The following DENND2C variants were observed in gnomAD, a reference collection of about 807,000 sequenced individuals.
DENND2C encodes DENN domain containing 2C.
A neutral mutation model predicts 112.4 loss-of-function variants in DENND2C; 72 were observed. That is an observed-to-expected ratio of 0.64 (90% CI 0.53 to 0.78). The LOEUF is 0.78. Among genes scored for constraint, DENND2C ranks in the 30% least tolerant of loss-of-function variants. DENND2C has a pLI of 0.00. For missense variants in DENND2C, 992 were observed against 1,113.8 expected (o/e 0.89, Z 1.56); for synonymous variants, 329 against 381.6 (o/e 0.86, Z 1.61).
At chr1:114,657,491 G>C (rs1214947177) in intron 1 of DENND2C, among the ~76,000 whole-genome samples, 1 of 152,148 alleles carries the variant, frequency 6.6e-6, no homozygotes, top group Non-Finnish European at 1.5e-5. Context: ...GATGGTAGAA[G>C]TACTATCAAT....
At position 114,588,365 on chromosome 1, in the gene DENND2C, C is replaced by A. The variant is rs1257537997; in HGVS notation, c.2432-413G>T. 3.3e-5 allele frequency among the ~76,000 whole-genome samples: 5 copies of A among 152,298 alleles called. No homozygotes were observed. The East Asian group carries it at 9.6e-4, about 29-fold the overall frequency. On this transcript the variant is annotated intron_variant, in intron 18 of 20. Transcript: ENST00000393274. ...CTATGCTCTTCTGATTTCCTGATTC[C>A]TTTCCTGACTTGATGACAAAGCAGT... is the stretch of plus-strand genomic sequence containing the variant.
chr1:114,591,860 TTTA>T (rs138511726), intron 18 of DENND2C, among the ~76,000 whole-genome samples: 27,653 of 148,062 alleles, frequency 0.19, 3,469 homozygotes, highest in Non-Finnish European at 0.28. Flanking sequence ...CCTAGTATCA[TTTA>T]TTATTATTAT....
chr1:114,635,520 C>T (rs983659946), intron 3 of DENND2C, among the ~76,000 whole-genome samples: 4 of 151,518 alleles, frequency 2.6e-5, no homozygotes, highest in African/African-American at 9.7e-5. Context: ...CGTCTCTTAA[C>T]AAAAAATAGG....
In DENND2C at chr1:114,605,024, T is replaced by C; in HGVS notation, c.1565A>G (p.His522Arg). 1 of 1,610,474 alleles carries C rather than the reference T, an allele frequency of 6.2e-7. No individual in the cohort carries two copies. The highest frequency in any genetic ancestry group is 8.5e-7 in the Non-Finnish European group (1 of 1,178,120). ...VIQQFPGKDD[H>R]GYKQSKDMEE... ...CATGTCTTTGGACTGCTTATAGCCATGATCATCCTGAAAAAGATAACACCA... is the reference window on the plus strand; with the variant it reads ...CATGTCTTTGGACTGCTTATAGCCACGATCATCCTGAAAAAGATAACACCA... Residue 522 changes from histidine (H) to arginine (R), a missense_variant, in exon 11 of 21, where the codon CAT (histidine) becomes CGT (arginine). His to Arg is a conservative substitution (Grantham distance 29). Transcript: ENST00000393274.
intron 7 of DENND2C, among the ~76,000 whole-genome samples, 169 bp from the exon 8 acceptor site, chr1:114,618,651 T>C (rs1210819988): frequency 6.6e-6 from 1 of 152,244 alleles, no homozygotes; most frequent in Non-Finnish European, 1.5e-5. Context: ...AATTAGATGA[T>C]ATGTTGTTCT....
Position 114,625,258 on chromosome 1 carries a change from A to T in DENND2C, c.727T>A (p.Cys243Ser). 1 of 1,614,162 alleles carries T rather than the reference A, an allele frequency of 6.2e-7. No individual in the cohort carries two copies. Among genetic ancestry groups the T allele is most frequent in the Non-Finnish European group, 8.5e-7 (1 of 1,180,020 alleles). The change falls in exon 4 of 21, where the codon TGT becomes AGT. Residue 243 changes from cysteine (C) to serine (S), a missense_variant. By Grantham distance (112) the Cys-to-Ser change is moderately radical. Coordinates refer to ENST00000393274, the MANE Select transcript of DENND2C (RefSeq NM_001256404.2). ...CDKKYCENNS[C>S]AQSSLASSQE... ...GAAGAGGCCAAAGAAGATTGTGCAC[A>T]AGAGTTATTTTCACAGTATTTTTTG...
rs534973267 is a variant in DENND2C at position 114,602,210 on chromosome 1, A to G, written c.1668-16T>C. On this transcript the variant is annotated splice_polypyrimidine_tract_variant and intron_variant, in intron 11 of 20. Transcript: ENST00000393274. ...GAATGTTTCACTGAAAAAAGAGCCAATAGTTAGTTTAGGATCCAAACAATT... is the reference window on the plus strand; with the variant it reads ...GAATGTTTCACTGAAAAAAGAGCCAGTAGTTAGTTTAGGATCCAAACAATT... The G allele has an allele frequency of 3.1e-6, 5 of 1,612,664 alleles. No individual in the cohort carries two copies. The highest frequency in any genetic ancestry group is 1.3e-5 in the African/African-American group (1 of 75,032).
intron 1 of DENND2C, among the ~76,000 whole-genome samples, chr1:114,661,250 T>C (rs987176372): frequency 3.3e-5 from 5 of 152,320 alleles, no homozygotes; most frequent in African/African-American, 1.2e-4. Context: ...CAAGCACTGC[T>C]GAAATGTCCA....
At position 114,585,276 on chromosome 1, in the gene DENND2C, A is replaced by G. The variant is rs766271383; in HGVS notation, c.*324T>C. 1.3e-5 allele frequency: 4 copies of G among 316,326 alleles called. No homozygotes were observed. Among genetic ancestry groups the G allele is most frequent in the Non-Finnish European group, 2.4e-5 (4 of 169,964 alleles). The allele number at this position is 316,326 out of a possible 1,614,324, so 19.6% of individuals were successfully genotyped here. On this transcript the variant is annotated 3_prime_UTR_variant, in exon 21 of 21. Coordinates refer to ENST00000393274, the MANE Select transcript of DENND2C (RefSeq NM_001256404.2). Reference sequence around the variant, plus strand: ...TGAGCTATTTTTTAAATGTAACAACAACAAGGCTTTTCCTTGTGAAACACA... The same window carrying G: ...TGAGCTATTTTTTAAATGTAACAACGACAAGGCTTTTCCTTGTGAAACACA...
At chr1:114,592,152 T>A (rs2101641288) in intron 18 of DENND2C, among the ~76,000 whole-genome samples, 1 of 152,252 alleles carries the variant, frequency 6.6e-6, no homozygotes, top group South Asian at 2.1e-4. Flanking sequence ...CCCAAAGTGC[T>A]GGGATTATAG....
At position 114,600,368 on chromosome 1, in the gene DENND2C, T is replaced by C. The variant is rs767935361; in HGVS notation, c.1957-16A>G. The C allele has an allele frequency of 2.2e-5, 36 of 1,613,676 alleles. No individual in the cohort carries two copies. In the East Asian group the frequency reaches 7.4e-4, roughly 33 times the overall value. On this transcript the variant is annotated splice_polypyrimidine_tract_variant and intron_variant, in intron 14 of 20. Transcript: ENST00000393274. ...GTTCAATGGACTGAAATGCAAGAAG[T>C]TGAATCAGGTGAGCTAATGTTGGAA...
Position 114,585,478 on chromosome 1 carries a change from C to T in DENND2C, c.*122G>A, listed in dbSNP as rs553593163. ...AGAATCCTCCTCTAACAGCCTGACT[C>T]GCTCTTTAACCTTTTAAAATTTCAA... On this transcript the variant is annotated 3_prime_UTR_variant, in exon 21 of 21. Transcript: ENST00000393274. 299 of 1,021,048 alleles carry T rather than the reference C, an allele frequency of 2.9e-4. 2 individuals carry two copies. Among genetic ancestry groups the T allele is most frequent in the Admixed American group, 1.0e-3 (46 of 44,096 alleles). The allele number at this position is 1,021,048 out of a possible 1,614,324, so 63.2% of individuals were successfully genotyped here.
At chr1:114,631,294 T>G (rs1356513558) in intron 3 of DENND2C, among the ~76,000 whole-genome samples, 1 of 151,556 alleles carries the variant, frequency 6.6e-6, no homozygotes, top group Non-Finnish European at 1.5e-5. Flanking sequence ...GGGAACTGCT[T>G]GTACACAGGA....
intron 11 of DENND2C, among the ~76,000 whole-genome samples, 185 bp downstream of exon 11, chr1:114,604,737 C>T (rs149448285): frequency 7.9e-5 from 12 of 151,342 alleles, no homozygotes; most frequent in South Asian, 4.2e-4. Flanking sequence ...AATTATTCCA[C>T]GTTTTTATTT....
intron 2 of DENND2C, among the ~76,000 whole-genome samples, chr1:114,654,136 T>G (rs1657243411): frequency 1.3e-5 from 2 of 152,234 alleles, no homozygotes; most frequent in East Asian, 1.9e-4. Context: ...ATTTTCTAAT[T>G]ATAAAAAATA....
At chr1:114,611,321 C>T (rs570623216) in intron 8 of DENND2C, among the ~76,000 whole-genome samples, 28 of 152,202 alleles carry the variant, frequency 1.8e-4, no homozygotes, top group Non-Finnish European at 3.4e-4. Context: ...TCCTCTACTA[C>T]ATCTTCTTCC....
Position 114,590,696 on chromosome 1 carries a change from T to C in DENND2C, c.2432-2744A>G, listed in dbSNP as rs1305642641. ...GGAAGGCTGAGGCAGGAGAATGGTG[T>C]GAACCCCGGAGGGTGGAGCCTGCAG... On this transcript the variant is annotated intron_variant, in intron 18 of 20. Transcript: ENST00000393274. 6.1e-5 allele frequency among the ~76,000 whole-genome samples: 9 copies of C among 146,968 alleles called. No homozygotes were observed. The Admixed American group carries it at 6.3e-4, about 10-fold the overall frequency.
intron 8 of DENND2C, among the ~76,000 whole-genome samples, chr1:114,616,030 G>A (rs949600857): frequency 1.2e-4 from 19 of 152,012 alleles, no homozygotes; most frequent in South Asian, 2.1e-4. Flanking sequence ...AGCCGAGATC[G>A]CACTACTGGA....
intron 9 of DENND2C, among the ~76,000 whole-genome samples, chr1:114,610,141 T>C (rs1655771045): frequency 6.6e-6 from 1 of 152,186 alleles, no homozygotes; most frequent in South Asian, 2.1e-4. Context: ...ACTTTTTCCA[T>C]GGCTTAGTAT....
Sources: allele counts gnomAD v4.1 joint callset (sites outside exome capture counted in the v4.1 genomes callset), GRCh38; gene constraint gnomAD v4.1.1; transcripts MANE v1.5; gene names NCBI Gene and HGNC (gene_info 2026-07-23, HGNC 2026-07-21).